Variants in ATP6V1C2 observed in about 807,000 individuals in gnomAD.
ATP6V1C2 encodes the protein ATPase H+ transporting V1 subunit C2, also known as V-type proton ATPase subunit C 2.
A neutral mutation model predicts 56.8 loss-of-function variants in ATP6V1C2; 45 were observed. That is an observed-to-expected ratio of 0.79 (90% CI 0.62 to 1.02). ATP6V1C2 has a LOEUF of 1.02. Among genes scored for constraint, ATP6V1C2 ranks in the 50% least tolerant of loss-of-function variants. ATP6V1C2 has a pLI of 0.00. For missense variants in ATP6V1C2, 463 were observed against 519.7 expected (o/e 0.89, Z 1.06); for synonymous variants, 220 against 201.3 (o/e 1.09, Z -0.79).
intron 3 of ATP6V1C2, among the ~76,000 whole-genome samples, chr2:10,734,949 G>A (rs1421945188): frequency 6.6e-6 from 1 of 152,126 alleles, no homozygotes; most frequent in Non-Finnish European, 1.5e-5. Flanking sequence ...GCCAGGCATG[G>A]TGGGGTGTGA....
intron 8 of ATP6V1C2, among the ~76,000 whole-genome samples, chr2:10,774,529 A>AGC (rs1664832710): frequency 2.6e-5 from 4 of 152,224 alleles, no homozygotes; most frequent in Admixed American, 2.6e-4. Context: ...GAATTTGATA[A>AGC]GCGGGAGCTA....
chr2:10,771,863 G>A lies in ATP6V1C2; in HGVS notation c.495G>A (p.Leu165=), dbSNP rs373079769. ...GGGGGAACCTCTTCACCCGGACACT[G>A]AGTGATATTGTGAGCAAAGAGGACT... ...KSMGNLFTRT[L]SDIVSKEDFV... is the part of the protein sequence containing the mutation. The change falls in exon 7 of 14, where the codon CTG becomes CTA. Residue 165 remains leucine, a synonymous_variant. Coordinates refer to ENST00000272238, the MANE Select transcript of ATP6V1C2 (RefSeq NM_001039362.2). 2.9e-5 allele frequency: 47 copies of A among 1,614,004 alleles called. No individual in the cohort carries two copies. Among genetic ancestry groups the A allele is most frequent in the Admixed American group, 1.0e-4 (6 of 60,002 alleles).
intron 3 of ATP6V1C2, among the ~76,000 whole-genome samples, chr2:10,735,179 C>CT (rs1050271878): frequency 4.0e-5 from 6 of 151,880 alleles, no homozygotes; most frequent in African/African-American, 1.2e-4. Context: ...GTGACTAGAC[C>CT]TTTTTTTTGA....
chr2:10,771,885 G>A lies in ATP6V1C2; in HGVS notation c.517G>A (p.Asp173Asn), dbSNP rs1444526887. 2 of 1,614,076 alleles carry A rather than the reference G, an allele frequency of 1.2e-6. No homozygotes were observed. The highest frequency in any genetic ancestry group is 1.7e-6 in the Non-Finnish European group (2 of 1,180,052). The change falls in exon 7 of 14, where the codon GAC (aspartate) becomes AAC (asparagine). Residue 173 changes from aspartate to asparagine, a missense_variant. Transcript: ENST00000272238. ...ACTGAGTGATATTGTGAGCAAAGAGGACTTCGTGCTGGATTCTGAATATCT... is the reference window on the plus strand; with the variant it reads ...ACTGAGTGATATTGTGAGCAAAGAGAACTTCGTGCTGGATTCTGAATATCT... ...RTLSDIVSKE[D>N]FVLDSEYLVT...
chr2:10,746,700 C>T (rs1417139350), intron 3 of ATP6V1C2, among the ~76,000 whole-genome samples: 1 of 152,018 alleles, frequency 6.6e-6, no homozygotes, highest in Non-Finnish European at 1.5e-5. Flanking sequence ...ATGAGCCACC[C>T]CGCCCAACCG....
At chr2:10,771,534 C>T (rs1206962135) in intron 6 of ATP6V1C2, among the ~76,000 whole-genome samples, 5 of 152,154 alleles carry the variant, frequency 3.3e-5, no homozygotes, top group Non-Finnish European at 4.4e-5. Context: ...ACCAGGGCAG[C>T]GCAGGTCACT....
At chr2:10,770,491 CAG>C (rs1664526441) in intron 6 of ATP6V1C2, among the ~76,000 whole-genome samples, 1 of 152,228 alleles carries the variant, frequency 6.6e-6, no homozygotes, top group Non-Finnish European at 1.5e-5. Context: ...GAGGATGGGA[CAG>C]GGGCCGGGCG....
intron 2 of ATP6V1C2, 74 bp downstream of exon 2, chr2:10,723,052 C>T (rs1185631683): frequency 6.4e-7 from 1 of 1,557,276 alleles, no homozygotes; most frequent in East Asian, 2.3e-5. Context: ...CAGGTTGCTA[C>T]CTCAGGAAGC....
chr2:10,779,514 C>A (rs1665216842), intron 12 of ATP6V1C2, among the ~76,000 whole-genome samples: 1 of 149,706 alleles, frequency 6.7e-6, no homozygotes, highest in Non-Finnish European at 1.5e-5. Context: ...GGTGAAACCC[C>A]ACCTCTACTA....
At chr2:10,758,031 G>C (rs1663657746) in intron 4 of ATP6V1C2, among the ~76,000 whole-genome samples, 2 of 152,216 alleles carry the variant, frequency 1.3e-5, no homozygotes, top group African/African-American at 2.4e-5. Context: ...AATCTTTAGA[G>C]ATTGGCAGTT....
At chr2:10,730,757 A>T (rs1189195652) in intron 3 of ATP6V1C2, among the ~76,000 whole-genome samples, 1 of 150,280 alleles carries the variant, frequency 6.7e-6, no homozygotes, top group Non-Finnish European at 1.5e-5. Flanking sequence ...GGTTAAAGCG[A>T]TTCTCCTGCC....
intron 7 of ATP6V1C2, 59 bp from the exon 8 acceptor site, chr2:10,772,483 T>G: frequency 7.0e-7 from 1 of 1,437,642 alleles, no homozygotes; most frequent in African/African-American, 1.4e-5. Flanking sequence ...TCCTAGGCAC[T>G]CAGGACACCC....
rs183936905 is a variant in ATP6V1C2 at position 10,753,380 on chromosome 2, C to T, written c.198-601C>T. Among the ~76,000 whole-genome samples the T allele has an allele frequency of 3.5e-4, 53 of 152,276 alleles. 1 individual carries two copies. The East Asian group carries it at 9.8e-3, about 28-fold the overall frequency. On this transcript the variant is annotated intron_variant, in intron 3 of 13. Transcript: ENST00000272238. ...TATACCATCATTTACTTAAACAATTCCTTATTGTCGGACCTTCCAGCTGTC... is the reference window on the plus strand; with the variant it reads ...TATACCATCATTTACTTAAACAATTTCTTATTGTCGGACCTTCCAGCTGTC...
At chr2:10,765,928 A>G (rs934413808) in intron 5 of ATP6V1C2, among the ~76,000 whole-genome samples, 2 of 152,184 alleles carry the variant, frequency 1.3e-5, no homozygotes, top group African/African-American at 4.8e-5. Flanking sequence ...TTTGGCAGGA[A>G]GGAAGGAGGG....
intron 3 of ATP6V1C2, among the ~76,000 whole-genome samples, chr2:10,746,055 G>A (rs1662893710): frequency 6.6e-6 from 1 of 152,070 alleles, no homozygotes; most frequent in African/African-American, 2.4e-5. Context: ...ATTTTTGTTT[G>A]TTTGTTTTTG....
intron 4 of ATP6V1C2, among the ~76,000 whole-genome samples, chr2:10,756,611 G>A (rs1572561046): frequency 6.6e-6 from 1 of 151,976 alleles, no homozygotes; most frequent in Non-Finnish European, 1.5e-5. Flanking sequence ...CCAGCTTCTT[G>A]GGAGGCTGAG....
chr2:10,729,724 G>A (rs1661852737), intron 3 of ATP6V1C2, among the ~76,000 whole-genome samples: 1 of 152,152 alleles, frequency 6.6e-6, no homozygotes, highest in South Asian at 2.1e-4. Context: ...GGCTGTGGTG[G>A]TGCACCTGTA....
chr2:10,777,585 C>A lies in ATP6V1C2; in HGVS notation c.826C>A (p.Gln276Lys). ...RLLSDKKQQY[Q>K]TSCVALKKGS... ...TAATAAATCATTTCTGTGCCTTTAG[C>A]AAACTTCCTGTGTTGCTCTTAAAAA... is the stretch of plus-strand genomic sequence containing the variant. The change falls in exon 11 of 14, where the codon CAA (glutamine) becomes AAA (lysine). Residue 276 changes from glutamine to lysine, a missense_variant and splice_region_variant. Transcript: ENST00000272238. The A allele has an allele frequency of 6.2e-7, 1 of 1,606,290 alleles. No homozygotes were observed. The highest frequency in any genetic ancestry group is 8.5e-7 in the Non-Finnish European group (1 of 1,178,104).
chr2:10,780,822 C>T lies in ATP6V1C2; in HGVS notation c.1062-1421C>T, dbSNP rs962912333. On this transcript the variant is annotated intron_variant, in intron 12 of 13. Coordinates refer to ENST00000272238, the MANE Select transcript of ATP6V1C2 (RefSeq NM_001039362.2). This position sits in a 1 kb window ranked among gnomAD's most constrained non-coding sequence, Gnocchi z 4.1. The stretch of plus-strand genomic sequence containing the variant: ...GCAGTGGCACAATCTCAGCTCACTG[C>T]GACCTCCACCTCCCAGGTTCAAGCA... Among the ~76,000 whole-genome samples the T allele has an allele frequency of 2.0e-5, 3 of 151,796 alleles. No homozygotes were observed. The highest frequency in any genetic ancestry group is 2.1e-4 in the South Asian group (1 of 4,812).
Sources: allele counts gnomAD v4.1 joint callset (sites outside exome capture counted in the v4.1 genomes callset), GRCh38; gene constraint gnomAD v4.1.1; non-coding constraint Gnocchi (gnomAD v3.1); transcripts MANE v1.5; gene names NCBI Gene and HGNC (gene_info 2026-07-23, HGNC 2026-07-21).